Variants in CDH12 observed in about 807,000 individuals in gnomAD.
CDH12 encodes the protein cadherin-12.
In CDH12, 41 loss-of-function variants were observed where a neutral mutation model predicts 74.1. The ratio of observed to expected loss-of-function variants is 0.55; its 90% CI spans 0.43 to 0.72. CDH12 has a LOEUF of 0.72. Among genes scored for constraint, CDH12 ranks in the 30% least tolerant of loss-of-function variants. The pLI is 0.00. For missense variants in CDH12, 945 were observed against 977.2 expected (o/e 0.97, Z 0.44); for synonymous variants, 399 against 355.0 (o/e 1.12, Z -1.39).
rs535627535 is a variant in CDH12, at chr5:22,688,739, A to G, written c.-523+164319T>C. Among the ~76,000 whole-genome samples, 12 of 151,182 alleles carry G rather than the reference A, an allele frequency of 7.9e-5. No homozygotes were observed. In the South Asian group the frequency reaches 2.5e-3, roughly 31 times the overall value. ...TAGGATGTTGTATAACTTTATATAA[A>G]GCTACAAAAAATAAACACAAATAAA... is the stretch of plus-strand genomic sequence containing the variant. On this transcript the variant is annotated intron_variant, in intron 1 of 14. Transcript: ENST00000382254.
chr5:21,902,255 A>G (rs1394274674), intron 6 of CDH12, among the ~76,000 whole-genome samples: 1 of 150,788 alleles, frequency 6.6e-6, no homozygotes, highest in Non-Finnish European at 1.5e-5. Flanking sequence ...ACATATATGT[A>G]TAATATAAGT....
chr5:22,099,005 GC>G (rs1423809115), intron 4 of CDH12, among the ~76,000 whole-genome samples: 3 of 151,630 alleles, frequency 2.0e-5, no homozygotes, highest in Non-Finnish European at 4.4e-5. Flanking sequence ...GATTATTCAG[GC>G]CCCCTCCCTT....
At chr5:22,714,211 A>T (rs984844539) in intron 1 of CDH12, among the ~76,000 whole-genome samples, 1 of 152,132 alleles carries the variant, frequency 6.6e-6, no homozygotes, top group Non-Finnish European at 1.5e-5. Flanking sequence ...TCTAATGCAG[A>T]GCGATTTGGG....
intron 3 of CDH12, among the ~76,000 whole-genome samples, chr5:22,298,884 C>A (rs1432418580): frequency 6.6e-6 from 1 of 152,200 alleles, no homozygotes; most frequent in Non-Finnish European, 1.5e-5. Flanking sequence ...CCTCTTGACT[C>A]CATATAATTT....
intron 1 of CDH12, among the ~76,000 whole-genome samples, chr5:22,588,710 C>T (rs1740534643): frequency 6.6e-6 from 1 of 152,090 alleles, no homozygotes; most frequent in African/African-American, 2.4e-5. Flanking sequence ...GCTATCAGCT[C>T]ACTGTCAAAT....
intron 1 of CDH12, among the ~76,000 whole-genome samples, chr5:22,766,934 C>G (rs544037889): frequency 6.6e-6 from 1 of 151,972 alleles, no homozygotes; most frequent in Non-Finnish European, 1.5e-5. Flanking sequence ...ACCAATTACT[C>G]AATGGATACA....
At chr5:22,473,087 G>A (rs1461052084) in intron 2 of CDH12, among the ~76,000 whole-genome samples, 1 of 151,964 alleles carries the variant, frequency 6.6e-6, no homozygotes, top group Non-Finnish European at 1.5e-5. Context: ...ATGAGCTTTG[G>A]GCATTCCATG....
chr5:22,798,850 A>T (rs757662380), intron 1 of CDH12, among the ~76,000 whole-genome samples: 73 of 152,252 alleles, frequency 4.8e-4, no homozygotes, highest in Non-Finnish European at 7.9e-4. Context: ...ATGGTGGCTC[A>T]TGTCTGTAAT....
intron 3 of CDH12, among the ~76,000 whole-genome samples, chr5:22,390,299 T>C (rs931220743): frequency 7.2e-5 from 11 of 152,286 alleles, no homozygotes; most frequent in African/African-American, 2.2e-4. Flanking sequence ...GAGCTGACAC[T>C]TTTTGTTTAA....
intron 1 of CDH12, among the ~76,000 whole-genome samples, chr5:22,609,183 T>A (rs1045622994): frequency 6.6e-6 from 1 of 151,868 alleles, no homozygotes; most frequent in Non-Finnish European, 1.5e-5. Flanking sequence ...GTCTTTAGAG[T>A]CTCATCTCAG....
chr5:22,812,976 T>A (rs1749221769), intron 1 of CDH12, among the ~76,000 whole-genome samples: 1 of 152,120 alleles, frequency 6.6e-6, no homozygotes, highest in African/African-American at 2.4e-5. Context: ...CAGAAGGGGT[T>A]ACCATCAAGG....
intron 1 of CDH12, among the ~76,000 whole-genome samples, chr5:22,844,877 T>C (rs1318455507): frequency 1.3e-5 from 2 of 152,118 alleles, no homozygotes; most frequent in African/African-American, 4.8e-5. Flanking sequence ...TAAGATTAAG[T>C]CATTTAATTG....
chr5:22,632,415 A>G (rs559721032), intron 1 of CDH12, among the ~76,000 whole-genome samples: 1 of 152,350 alleles, frequency 6.6e-6, no homozygotes, highest in Non-Finnish European at 1.5e-5. Flanking sequence ...AACTTTTTAA[A>G]AAATCTTTAT....
chr5:22,512,661 A>G (rs1212245496), intron 1 of CDH12, among the ~76,000 whole-genome samples: 1 of 152,212 alleles, frequency 6.6e-6, no homozygotes, highest in Non-Finnish European at 1.5e-5. Flanking sequence ...CAATGCCCCT[A>G]CGATAATGAA....
chr5:22,408,280 G>A (rs1743023483), intron 2 of CDH12, among the ~76,000 whole-genome samples: 1 of 149,598 alleles, frequency 6.7e-6, no homozygotes, highest in Admixed American at 6.6e-5. Context: ...TTGCTTTTAG[G>A]GGTGGGGGTT....
At chr5:22,143,950 T>C (rs972491621) in intron 4 of CDH12, 6 of 146,508 alleles carry the variant, frequency 4.1e-5, no homozygotes, top group Admixed American at 2.7e-4. Flanking sequence ...TACTGCCACT[T>C]AAAAAAAAAA....
intron 4 of CDH12, among the ~76,000 whole-genome samples, chr5:22,140,747 C>CAGAATGTT: frequency 6.6e-6 from 1 of 152,200 alleles, no homozygotes; most frequent in South Asian, 2.1e-4. Context: ...GGGAGAGTCC[C>CAGAATGTT]CTTGGATTTA....
At chr5:22,590,647 T>A (rs563443546) in intron 1 of CDH12, among the ~76,000 whole-genome samples, 1 of 152,340 alleles carries the variant, frequency 6.6e-6, no homozygotes. Flanking sequence ...TACTTATTTA[T>A]GTGACAAGAA....
intron 2 of CDH12, among the ~76,000 whole-genome samples, chr5:22,429,560 T>C (rs1330233039): frequency 6.6e-6 from 1 of 152,200 alleles, no homozygotes; most frequent in Non-Finnish European, 1.5e-5. Context: ...TGTTTCCTTA[T>C]TTCTGCCATC....
Sources: allele counts gnomAD v4.1 joint callset (sites outside exome capture counted in the v4.1 genomes callset), GRCh38; gene constraint gnomAD v4.1.1; transcripts MANE v1.5; gene names NCBI Gene and HGNC (gene_info 2026-07-23, HGNC 2026-07-21).